CPB1: variants seen among roughly 807,000 people sequenced by gnomAD.
The protein encoded by CPB1 is carboxypeptidase B.
CPB1 carries 53 observed loss-of-function variants against 51.4 expected under a neutral mutation model. The ratio of observed to expected loss-of-function variants is 1.03; its 90% CI spans 0.83 to 1.30. CPB1 has a LOEUF of 1.30. Ranked by LOEUF, CPB1 falls within the 50% of genes most tolerant of loss-of-function variation. CPB1 has a pLI of 0.00. For missense variants in CPB1, 494 were observed against 516.2 expected, an observed-to-expected ratio of 0.96 and a Z score of 0.42; for synonymous variants, 189 against 186.9, an observed-to-expected ratio of 1.01 and a Z score of -0.09.
Position 148,859,993 on chromosome 3 carries a change from C to T in CPB1, c.1245C>T (p.His415=), listed in dbSNP as rs769369791. 1.7e-5 allele frequency: 28 copies of T among 1,613,286 alleles called. No individual in the cohort carries two copies. The African/African-American group carries it at 3.3e-4, about 19-fold the overall frequency. ...IKYVASYVLE[H]LY ...ATGTTGCCAGCTACGTCCTGGAACA[C>T]CTGTACTAGTTGAGAAAGCTGATGG... The change falls in exon 11 of 11, where the codon CAC becomes CAT. Residue 415 remains histidine (H), a synonymous_variant. Coordinates refer to ENST00000282957, the MANE Select transcript of CPB1 (RefSeq NM_001871.3).
At chr3:148,828,103 A>G (rs1712625488) in intron 2 of CPB1, 26 bp downstream of exon 2, 2 of 1,569,042 alleles carry the variant, frequency 1.3e-6, no homozygotes, top group Non-Finnish European at 1.8e-6. Flanking sequence ...GATTTACTTC[A>G]CATCTAATTT....
intron 9 of CPB1, chr3:148,855,906 G>C (rs2108021919): frequency 6.6e-6 from 1 of 152,244 alleles, no homozygotes; most frequent in Admixed American, 6.5e-5. Flanking sequence ...CCTACAAAAA[G>C]AACTATTGCC....
chr3:148,837,480 G>GAA lies in CPB1; in HGVS notation c.272+2874_272+2875dup, dbSNP rs35691600. Reference sequence around the variant, plus strand: ...AGTTATCTAATTTGCTTGTGTGTTAGAAAAAAAAAAAAAAAAAGGAGAAGT... The same window carrying GAA: ...AGTTATCTAATTTGCTTGTGTGTTAGAAAAAAAAAAAAAAAAAAAGGAGAAGT... On this transcript the variant is annotated intron_variant, in intron 3 of 10. Coordinates refer to ENST00000282957, the MANE Select transcript of CPB1 (RefSeq NM_001871.3). Among the ~76,000 whole-genome samples, 111 of 95,656 alleles carry GAA rather than the reference G, an allele frequency of 1.2e-3. 1 individual carries two copies. Among genetic ancestry groups the GAA allele is most frequent in the South Asian group, 4.0e-3 (11 of 2,724 alleles). The allele number at this position is 95,656 out of a possible 152,430, so 62.8% of individuals were successfully genotyped here. A position where few individuals can be genotyped will look rare whatever the true frequency, so the allele number is the denominator to read the frequency against.
chr3:148,833,128 T>C (rs1403939541), intron 2 of CPB1, among the ~76,000 whole-genome samples: 1 of 152,220 alleles, frequency 6.6e-6, no homozygotes, highest in Non-Finnish European at 1.5e-5. Flanking sequence ...TGTCCTTATC[T>C]TAGCATGTCT....
At chr3:148,850,148 T>C (rs1341767399) in intron 9 of CPB1, among the ~76,000 whole-genome samples, 1 of 152,224 alleles carries the variant, frequency 6.6e-6, no homozygotes, top group Non-Finnish European at 1.5e-5. Context: ...AGGAAAAAGA[T>C]AACAGTAACC....
At chr3:148,830,866 C>T (rs1426864645) in intron 2 of CPB1, among the ~76,000 whole-genome samples, 1 of 152,118 alleles carries the variant, frequency 6.6e-6, no homozygotes, top group Non-Finnish European at 1.5e-5. Flanking sequence ...CAGTGGGACA[C>T]ATATTTCTTC....
intron 2 of CPB1, among the ~76,000 whole-genome samples, chr3:148,833,222 C>T (rs16861046): frequency 0.049 from 7,379 of 152,140 alleles, 438 homozygotes; most frequent in East Asian, 0.28. Context: ...AACATTGATA[C>T]TCTATCCTTT....
chr3:148,850,014 C>T (rs1713377679), intron 9 of CPB1, among the ~76,000 whole-genome samples: 1 of 152,196 alleles, frequency 6.6e-6, no homozygotes. Context: ...CACAGTACAT[C>T]ATAATTACCT....
At chr3:148,836,563 G>A (rs969436374) in intron 3 of CPB1, among the ~76,000 whole-genome samples, 4 of 150,590 alleles carry the variant, frequency 2.7e-5, no homozygotes, top group South Asian at 2.1e-4. Context: ...TTTATAATCA[G>A]ATAGAAAGTT....
At chr3:148,856,561 G>T (rs919992507) in intron 9 of CPB1, 3 of 152,172 alleles carry the variant, frequency 2.0e-5, no homozygotes, top group Non-Finnish European at 4.4e-5. Context: ...AATGAATTAT[G>T]GCTAATTCTC....
rs1712759491 is a variant in CPB1, at chr3:148,832,249, T to C, written c.148-2249T>C. 1.3e-5 allele frequency among the ~76,000 whole-genome samples: 2 copies of C among 152,050 alleles called. 1 individual carries two copies. The highest frequency in any genetic ancestry group is 4.2e-4 in the South Asian group (2 of 4,804). On this transcript the variant is annotated intron_variant, in intron 2 of 10. Coordinates refer to ENST00000282957, the MANE Select transcript of CPB1 (RefSeq NM_001871.3). ...TAATATTTGGCAGAGCTAGGACCAATGGGTAAGAGCTGAGGAGGATACAGA... is the reference window on the plus strand; with the variant it reads ...TAATATTTGGCAGAGCTAGGACCAACGGGTAAGAGCTGAGGAGGATACAGA...
chr3:148,849,441 C>A (rs13086283), intron 9 of CPB1, among the ~76,000 whole-genome samples: 32,311 of 152,056 alleles, frequency 0.21, 3,573 homozygotes, highest in Middle Eastern at 0.32. Context: ...AATTCTGTGA[C>A]CTTGTTATTG....
chr3:148,852,920 C>G (rs1713473045), intron 9 of CPB1, among the ~76,000 whole-genome samples: 1 of 152,174 alleles, frequency 6.6e-6, no homozygotes, highest in Non-Finnish European at 1.5e-5. Flanking sequence ...TCCTTTTTCT[C>G]AAAACATATT....
At chr3:148,834,423 G>C in intron 2 of CPB1, 75 bp from the exon 3 acceptor site, 1 of 1,311,124 alleles carries the variant, frequency 7.6e-7, no homozygotes, top group South Asian at 1.2e-5. Flanking sequence ...CAATTCAGTA[G>C]AGCAATAATG....
At chr3:148,832,469 G>A (rs905981364) in intron 2 of CPB1, among the ~76,000 whole-genome samples, 1 of 152,006 alleles carries the variant, frequency 6.6e-6, no homozygotes, top group South Asian at 2.1e-4. Context: ...AAGATTCAAG[G>A]GAAAGAATTT....
intron 1 of CPB1, 23 bp downstream of exon 1, chr3:148,827,917 G>A: frequency 6.2e-7 from 1 of 1,613,536 alleles, no homozygotes; most frequent in Non-Finnish European, 8.5e-7. Flanking sequence ...TCTTTAAGGA[G>A]CAAGTCCTTC....
At chr3:148,854,372 G>A (rs1160222236) in intron 9 of CPB1, 1 of 152,088 alleles carries the variant, frequency 6.6e-6, no homozygotes, top group Non-Finnish European at 1.5e-5. Flanking sequence ...AAGATAATTG[G>A]AATTTAAAAT....
At chr3:148,832,581 G>A (rs1303216817) in intron 2 of CPB1, among the ~76,000 whole-genome samples, 3 of 152,156 alleles carry the variant, frequency 2.0e-5, no homozygotes, top group African/African-American at 4.8e-5. Flanking sequence ...TACCACAGAG[G>A]ACAACTGGCG....
chr3:148,851,134 ACCAGCCTGG>A (rs1457126908), intron 9 of CPB1: 1 of 152,114 alleles, frequency 6.6e-6, no homozygotes, highest in African/African-American at 2.4e-5. Flanking sequence ...GGAGTTTGAG[ACCAGCCTGG>A]CCAACATGGT....
Sources: allele counts gnomAD v4.1 joint callset (sites outside exome capture counted in the v4.1 genomes callset), GRCh38; gene constraint gnomAD v4.1.1; transcripts MANE v1.5; gene names NCBI Gene and HGNC (gene_info 2026-07-23, HGNC 2026-07-21).